Variants in AGBL4 observed in about 807,000 individuals in gnomAD.
AGBL4 encodes the protein AGBL carboxypeptidase 4.
In AGBL4, 58 loss-of-function variants were observed where a neutral mutation model predicts 66.4. The observed-to-expected ratio is 0.87, with a 90% CI of 0.71 to 1.09. The LOEUF is 1.09. AGBL4 is among the 50% of genes least tolerant of loss of function. The pLI, the probability that AGBL4 is intolerant of heterozygous loss-of-function variation, is 0.00. For missense variants in AGBL4, 579 were observed against 631.0 expected (o/e 0.92, Z 0.88); for synonymous variants, 234 against 222.9 (o/e 1.05, Z -0.44).
rs189655090 is a variant in AGBL4, at chr1:49,867,631, T to C, written c.35-16113A>G. Among the ~76,000 whole-genome samples, 238 of 151,778 alleles carry C rather than the reference T, an allele frequency of 1.6e-3. 1 individual carries two copies. Among genetic ancestry groups the C allele is most frequent in the African/African-American group, 4.9e-3 (202 of 41,402 alleles). On this transcript the variant is annotated intron_variant, in intron 1 of 13. Coordinates refer to ENST00000371839, the MANE Select transcript of AGBL4 (RefSeq NM_032785.4). ...TCATATCTGGCCAAACTAAGCTTCA[T>C]AAACGAAGGAGAAATAAAATCATTT...
chr1:49,560,562 G>C (rs981953231), intron 3 of AGBL4, among the ~76,000 whole-genome samples: 8 of 152,096 alleles, frequency 5.3e-5, no homozygotes, highest in Non-Finnish European at 1.2e-4. Flanking sequence ...TATTCAAAGA[G>C]ATAATAAGAA....
At chr1:49,377,799 G>A (rs1353720879) in intron 3 of AGBL4, among the ~76,000 whole-genome samples, 1 of 152,068 alleles carries the variant, frequency 6.6e-6, no homozygotes, top group African/African-American at 2.4e-5. Context: ...TAATTCAAAT[G>A]TTTTAAACTG....
chr1:48,674,144 T>C (rs1157500274), intron 6 of AGBL4, among the ~76,000 whole-genome samples: 1 of 152,192 alleles, frequency 6.6e-6, no homozygotes, highest in African/African-American at 2.4e-5. Flanking sequence ...CACACCTCTG[T>C]CCAGAGGACG....
At chr1:49,845,532 C>A in intron 2 of AGBL4, 1 of 1,588,538 alleles carries the variant, frequency 6.3e-7, no homozygotes, top group Non-Finnish European at 8.6e-7. Context: ...TGATCCATAG[C>A]TAGTCCTTGA....
intron 3 of AGBL4, among the ~76,000 whole-genome samples, chr1:49,336,240 A>G (rs1418564414): frequency 6.6e-6 from 1 of 152,138 alleles, no homozygotes. Context: ...GAAAGCCTAT[A>G]GTGTAAGTTC....
chr1:49,732,306 G>T (rs190911242), intron 2 of AGBL4, among the ~76,000 whole-genome samples: 3 of 151,970 alleles, frequency 2.0e-5, no homozygotes, highest in African/African-American at 7.2e-5. Flanking sequence ...AAATAAAAAA[G>T]GTCTAGCAGA....
At chr1:49,904,588 T>G (rs1650080603) in intron 1 of AGBL4, among the ~76,000 whole-genome samples, 1 of 152,184 alleles carries the variant, frequency 6.6e-6, no homozygotes, top group Non-Finnish European at 1.5e-5. Context: ...GTCTCCAAAC[T>G]AGGTTGCCTT....
intron 3 of AGBL4, among the ~76,000 whole-genome samples, chr1:49,389,147 A>C (rs1425404810): frequency 6.6e-6 from 1 of 152,112 alleles, no homozygotes; most frequent in Admixed American, 6.5e-5. Flanking sequence ...TGAGGGGTAG[A>C]TTGTAGTGCT....
At chr1:49,527,065 T>C (rs778216152) in intron 3 of AGBL4, among the ~76,000 whole-genome samples, 2 of 152,166 alleles carry the variant, frequency 1.3e-5, no homozygotes, top group Non-Finnish European at 2.9e-5. Flanking sequence ...GTAAATACTA[T>C]GTGTCAGATC....
chr1:48,625,499 G>T (rs1319368182), intron 9 of AGBL4, among the ~76,000 whole-genome samples: 1 of 152,104 alleles, frequency 6.6e-6, no homozygotes, highest in Non-Finnish European at 1.5e-5. Flanking sequence ...GCGGCTGGGG[G>T]ACAGTGAGGT....
chr1:49,305,481 T>C (rs1644832889), intron 3 of AGBL4, among the ~76,000 whole-genome samples: 1 of 152,144 alleles, frequency 6.6e-6, no homozygotes, highest in Admixed American at 6.5e-5. Context: ...CCATGTTTGG[T>C]TGCTGATGTG....
intron 3 of AGBL4, among the ~76,000 whole-genome samples, chr1:49,263,378 A>C (rs970328220): frequency 3.9e-5 from 6 of 152,144 alleles, no homozygotes; most frequent in Non-Finnish European, 7.4e-5. Context: ...ATAAAAAAAT[A>C]GAGTAATCCT....
chr1:49,166,256 T>A (rs970195574), intron 4 of AGBL4, among the ~76,000 whole-genome samples: 1 of 152,088 alleles, frequency 6.6e-6, no homozygotes, highest in African/African-American at 2.4e-5. Context: ...TTAACATTTT[T>A]AAAAATGACC....
chr1:49,814,573 C>T (rs1645185773), intron 2 of AGBL4, among the ~76,000 whole-genome samples: 2 of 150,092 alleles, frequency 1.3e-5, no homozygotes, highest in Non-Finnish European at 2.9e-5. Flanking sequence ...GCTTGATTCA[C>T]TCCCAGGTAT....
At chr1:48,874,136 TC>T (rs1217227217) in intron 5 of AGBL4, among the ~76,000 whole-genome samples, 2 of 152,134 alleles carry the variant, frequency 1.3e-5, no homozygotes, top group East Asian at 1.9e-4. Context: ...AAGCCAGCCA[TC>T]GGGGGAGGAC....
At chr1:49,358,374 G>A (rs190149956) in intron 3 of AGBL4, among the ~76,000 whole-genome samples, 102 of 151,916 alleles carry the variant, frequency 6.7e-4, no homozygotes, top group African/African-American at 2.1e-3. Flanking sequence ...ACACTCTCGT[G>A]TAGGCATGGA....
intron 3 of AGBL4, among the ~76,000 whole-genome samples, chr1:49,539,025 T>C (rs1359789784): frequency 2.6e-5 from 4 of 152,098 alleles, no homozygotes; most frequent in Non-Finnish European, 5.9e-5. Context: ...AGAAATAACA[T>C]AAAAATAGAA....
Position 49,835,746 on chromosome 1 carries a change from A to G in AGBL4, c.157+15650T>C, listed in dbSNP as rs1407944473. 6.6e-5 allele frequency among the ~76,000 whole-genome samples: 10 copies of G among 152,206 alleles called. No individual in the cohort carries two copies. In the East Asian group the frequency reaches 1.5e-3, roughly 24 times the overall value. On this transcript the variant is annotated intron_variant, in intron 2 of 13. Coordinates refer to ENST00000371839, the MANE Select transcript of AGBL4 (RefSeq NM_032785.4). ...TTCCATATTTAGTGCTTCCTTCATG[A>G]GCTCTTGTAAGGCAGGCCTGGTGGT...
At position 49,882,102 on chromosome 1, in the gene AGBL4, A is replaced by T. The variant is rs1434980952; in HGVS notation, c.35-30584T>A. Among the ~76,000 whole-genome samples, 134 of 152,174 alleles carry T rather than the reference A, an allele frequency of 8.8e-4. 1 individual carries two copies. Among genetic ancestry groups the T allele is most frequent in the African/African-American group, 3.1e-3 (129 of 41,474 alleles). On this transcript the variant is annotated intron_variant, in intron 1 of 13. Transcript: ENST00000371839. The stretch of plus-strand genomic sequence containing the variant: ...AAGGGATCCAGTTTCAGCTTTCTAC[A>T]TATGGCTAGCCAGTTTTCCAAGCAC...
Sources: allele counts gnomAD v4.1 joint callset (sites outside exome capture counted in the v4.1 genomes callset), GRCh38; gene constraint gnomAD v4.1.1; transcripts MANE v1.5; gene names NCBI Gene and HGNC (gene_info 2026-07-23, HGNC 2026-07-21).